GLS: variants seen among roughly 807,000 people sequenced by gnomAD.
GLS encodes the protein glutaminase kidney isoform, mitochondrial.
In GLS, 36 loss-of-function variants were observed where a neutral mutation model predicts 86.7. That is an observed-to-expected ratio of 0.42 (90% confidence interval 0.32 to 0.55). The LOEUF (loss-of-function observed/expected upper bound fraction) is 0.55, where lower values mean the gene tolerates loss of function less well. Ranked by LOEUF, GLS falls within the 20% of genes least tolerant of loss-of-function variation. GLS has a pLI of 0.17. For synonymous variants in GLS, 317 were observed against 305.9 expected, an observed-to-expected ratio of 1.04 and a Z score of -0.38; for missense variants, 528 against 833.4, an observed-to-expected ratio of 0.63 and a Z score of 4.51.
Position 190,905,017 on chromosome 2 carries a change from G to C in GLS, c.829G>C (p.Asp277His). The change falls in exon 6 of 18, where the codon GAT becomes CAT. Residue 277 changes from aspartate (D) to histidine (H), a missense_variant. This residue lies in a region of GLS where 111 missense variants were observed against 179.5 expected (regional missense o/e 0.62). Coordinates refer to ENST00000320717, the MANE Select transcript of GLS (RefSeq NM_014905.5). This position sits in a 1 kb window ranked among gnomAD's most constrained non-coding sequence, Gnocchi z 4.6. ...CCTTTTAAATAGGCATTCTACTGGA[G>C]ATACCAAAGTTCCCTTCTGTCTTCA... ...TVDGQRHSTG[D>H]TKVPFCLQSC... 6.3e-7 allele frequency: 1 copy of C among 1,588,038 alleles called. No individual in the cohort carries two copies. Among genetic ancestry groups the C allele is most frequent in the Non-Finnish European group, 8.6e-7 (1 of 1,157,900 alleles).
Position 190,955,136 on chromosome 2 carries a change from AT to A in GLS, c.1853+323del, listed in dbSNP as rs1447768577. On this transcript the variant is annotated intron_variant, in intron 17 of 17. Transcript: ENST00000320717. The surrounding 1 kb of genome is among the most constrained non-coding windows in gnomAD (Gnocchi z 5.6). ...TATCCTCATGGATTTTAAAAAAAAA[AT>A]TTTTAAATTACACTTTAAGTTCTGG... Among the ~76,000 whole-genome samples the A allele has an allele frequency of 1.6e-4, 25 of 152,014 alleles. No homozygotes were observed. The South Asian group carries it at 4.6e-3, about 28-fold the overall frequency.
intron 17 of GLS, among the ~76,000 whole-genome samples, chr2:190,957,397 A>C (rs1041184898): frequency 2.0e-5 from 3 of 152,230 alleles, no homozygotes; most frequent in South Asian, 2.1e-4. Flanking sequence ...CAGCCCCTTT[A>C]TTTCTTTCCC....
chr2:190,899,666 A>G (rs1043472150), intron 3 of GLS, among the ~76,000 whole-genome samples: 3 of 152,128 alleles, frequency 2.0e-5, no homozygotes, highest in Non-Finnish European at 4.4e-5. Flanking sequence ...ATATTCTATT[A>G]CTGCATTACA....
chr2:190,908,566 G>A (rs1214291774), intron 6 of GLS, among the ~76,000 whole-genome samples: 3 of 152,270 alleles, frequency 2.0e-5, no homozygotes, highest in African/African-American at 7.2e-5. Flanking sequence ...GCCTTTATTA[G>A]TGTTGTAGGT....
chr2:190,944,479 T>A (rs939041230), intron 14 of GLS, among the ~76,000 whole-genome samples: 2 of 152,236 alleles, frequency 1.3e-5, no homozygotes, highest in Admixed American at 6.5e-5. Flanking sequence ...AATACAGATA[T>A]GCTTAAGGTC....
At position 190,897,530 on chromosome 2, in the gene GLS, G is replaced by T. The variant is rs1688786787; in HGVS notation, c.605+1805G>T. On this transcript the variant is annotated intron_variant, in intron 3 of 17. Transcript: ENST00000320717. The surrounding 1 kb of genome is among the most constrained non-coding windows in gnomAD (Gnocchi z 4.3). ...GACAAATGTTTTATGGTCTATATGA[G>T]CAACCAGTAGAAAAGTACAAGTCTC... Among the ~76,000 whole-genome samples the T allele has an allele frequency of 6.6e-6, 1 of 152,168 alleles. No individual in the cohort carries two copies. Among genetic ancestry groups the T allele is most frequent in the Non-Finnish European group, 1.5e-5 (1 of 68,030 alleles).
chr2:190,928,493 C>A (rs537349800), intron 12 of GLS, among the ~76,000 whole-genome samples: 6 of 151,788 alleles, frequency 4.0e-5, no homozygotes, highest in Non-Finnish European at 7.4e-5. Flanking sequence ...TGCCACTGCA[C>A]CTGGCTAATT....
chr2:190,889,988 T>C (rs561548957), intron 1 of GLS, among the ~76,000 whole-genome samples: 11 of 152,218 alleles, frequency 7.2e-5, no homozygotes, highest in Admixed American at 3.9e-4. Context: ...ATTACAGATA[T>C]TATTCCTAAA....
At chr2:190,901,558 T>G (rs1688938957) in intron 4 of GLS, among the ~76,000 whole-genome samples, 1 of 152,022 alleles carries the variant, frequency 6.6e-6, no homozygotes, top group Non-Finnish European at 1.5e-5. Flanking sequence ...CTACTTACTT[T>G]TAAATACTTG....
rs1013385304 is a variant in GLS at position 190,963,505 on chromosome 2, A to G, written c.*519A>G. On this transcript the variant is annotated 3_prime_UTR_variant, in exon 18 of 18. Coordinates refer to ENST00000320717, the MANE Select transcript of GLS (RefSeq NM_014905.5). The stretch of plus-strand genomic sequence containing the variant: ...CCCTAGCTTCATGATGTGACTCTTA[A>G]AAAACTATAATAGTTAACAACTGTT... 6.5e-6 allele frequency: 1 copy of G among 153,014 alleles called. No individual in the cohort carries two copies. The highest frequency in any genetic ancestry group is 1.5e-5 in the Non-Finnish European group (1 of 68,282). The allele number at this position is 153,014 out of a possible 1,614,324, so 9.5% of individuals were successfully genotyped here.
chr2:190,956,079 C>T lies in GLS; in HGVS notation c.1853+1261C>T, dbSNP rs553778422. Among the ~76,000 whole-genome samples, 7 of 152,218 alleles carry T rather than the reference C, an allele frequency of 4.6e-5. No individual in the cohort carries two copies. The highest frequency in any genetic ancestry group is 1.9e-4 in the East Asian group (1 of 5,182). ...TCTCCCATTCTGTAGGTTGCCTGTT[C>T]GCCCTGATGATAGTTTCTTTTGCTG... On this transcript the variant is annotated intron_variant, in intron 17 of 17. Transcript: ENST00000320717. This position sits in a 1 kb window ranked among gnomAD's most constrained non-coding sequence, Gnocchi z 4.2.
At chr2:190,888,749 A>G (rs1688469430) in intron 1 of GLS, among the ~76,000 whole-genome samples, 1 of 152,174 alleles carries the variant, frequency 6.6e-6, no homozygotes, top group African/African-American at 2.4e-5. Context: ...TGCTTTAACC[A>G]GTACTCTTAA....
chr2:190,892,257 A>G (rs923702151), intron 1 of GLS, among the ~76,000 whole-genome samples: 4 of 152,218 alleles, frequency 2.6e-5, no homozygotes, highest in Admixed American at 2.6e-4. Flanking sequence ...TAAAGGCAGC[A>G]TTTAGAAAGG....
In GLS at chr2:190,914,861, G is replaced by A. The variant is rs1450062836; in HGVS notation, c.1038+4540G>A. On this transcript the variant is annotated intron_variant, in intron 7 of 17. Transcript: ENST00000320717. This position sits in a 1 kb window ranked among gnomAD's most constrained non-coding sequence, Gnocchi z 4.4. ...AATACATGAATCAATTCATAAATAT[G>A]TTGTAAAAACTATAAAACATTGCAA... Among the ~76,000 whole-genome samples the A allele has an allele frequency of 1.3e-5, 2 of 152,002 alleles. No individual in the cohort carries two copies. The highest frequency in any genetic ancestry group is 3.9e-4 in the East Asian group (2 of 5,194).
chr2:190,899,443 T>C (rs552827642), intron 3 of GLS, among the ~76,000 whole-genome samples: 8 of 152,228 alleles, frequency 5.3e-5, no homozygotes, highest in Admixed American at 5.2e-4. Flanking sequence ...TGAATTCTTA[T>C]TAATAGTTAA....
At chr2:190,939,978 A>G (rs544801666) in intron 14 of GLS, among the ~76,000 whole-genome samples, 9 of 151,940 alleles carry the variant, frequency 5.9e-5, no homozygotes, top group African/African-American at 2.2e-4. Context: ...AAAAAATTAT[A>G]TCAAAGTTAC....
At chr2:190,888,028 A>G (rs1195769243) in intron 1 of GLS, among the ~76,000 whole-genome samples, 2 of 152,174 alleles carry the variant, frequency 1.3e-5, no homozygotes, top group African/African-American at 2.4e-5. Flanking sequence ...GAGAACGAGC[A>G]TTGTTTTTCC....
intron 6 of GLS, among the ~76,000 whole-genome samples, chr2:190,908,094 C>T (rs1012386063): frequency 2.0e-5 from 3 of 152,114 alleles, no homozygotes; most frequent in African/African-American, 7.2e-5. Context: ...ACTGCACATT[C>T]TTCGTAACCA....
rs1369625953 is a variant in GLS at position 190,938,307 on chromosome 2, T to A, written c.1650+6670T>A. ...AAAAATTCTTACCCAAAGTAGTTTT[T>A]AAATTTCTATTTTCATATTATGTTT... On this transcript the variant is annotated intron_variant, in intron 14 of 17. Coordinates refer to ENST00000320717, the MANE Select transcript of GLS (RefSeq NM_014905.5). This position sits in a 1 kb window ranked among gnomAD's most constrained non-coding sequence, Gnocchi z 4.1. Among the ~76,000 whole-genome samples the A allele has an allele frequency of 1.3e-5, 2 of 151,714 alleles. No homozygotes were observed. Among genetic ancestry groups the A allele is most frequent in the East Asian group, 3.9e-4 (2 of 5,192 alleles).
Sources: gnomAD v4.1 joint callset for allele counts (sites outside exome capture counted in the v4.1 genomes callset) on GRCh38, gnomAD v4.1.1 for gene constraint, gnomAD v4.1.1 regional missense constraint, Gnocchi (gnomAD v3.1) non-coding constraint, MANE v1.5 for transcripts, NCBI Gene and HGNC (gene_info 2026-07-23, HGNC 2026-07-21) for gene names.